The following PCDH15 variants were observed in gnomAD, a reference collection of about 807,000 sequenced individuals.
The protein encoded by PCDH15 is protocadherin-15.
Under a neutral mutation model 178.5 loss-of-function variants are expected in PCDH15, and 129 were observed. The observed-to-expected ratio is 0.72, with a 90% CI of 0.63 to 0.84. The LOEUF (loss-of-function observed/expected upper bound fraction) is 0.84. Ranked by LOEUF, PCDH15 falls within the 40% of genes least tolerant of loss-of-function variation. The probability of loss-of-function intolerance (pLI) is 0.00; values close to 1 mark genes in which losing one functional copy is unlikely to be tolerated. For synonymous variants in PCDH15, 800 were observed against 732.0 expected, an observed-to-expected ratio of 1.09 and a Z score of -1.50; for missense variants, 2,230 against 2,099.9, an observed-to-expected ratio of 1.06 and a Z score of -1.21.
chr10:54,635,146 T>C (rs2093813496), intron 2 of PCDH15, among the ~76,000 whole-genome samples: 1 of 141,678 alleles, frequency 7.1e-6, no homozygotes, highest in Admixed American at 7.2e-5. Context: ...TTTTGAAATG[T>C]ATACAAATAG....
intron 3 of PCDH15, among the ~76,000 whole-genome samples, chr10:54,894,784 G>T (rs946801877): frequency 6.6e-6 from 1 of 152,138 alleles, no homozygotes; most frequent in Non-Finnish European, 1.5e-5. Flanking sequence ...GGCACCTTCT[G>T]CTTCCTTAAT....
At chr10:54,769,522 C>A (rs1480272049) in intron 1 of PCDH15, among the ~76,000 whole-genome samples, 1 of 151,412 alleles carries the variant, frequency 6.6e-6, no homozygotes, top group Non-Finnish European at 1.5e-5. Context: ...TGTGCGTCAC[C>A]AAGATAGACC....
At chr10:55,454,578 T>A (rs1565156193) in intron 2 of PCDH15, among the ~76,000 whole-genome samples, 1 of 148,696 alleles carries the variant, frequency 6.7e-6, no homozygotes, top group Admixed American at 6.7e-5. Context: ...GAGATCGAGA[T>A]CATCCTGGCT....
intron 13 of PCDH15, among the ~76,000 whole-genome samples, chr10:54,172,699 C>A (rs1354329027): frequency 6.6e-6 from 1 of 151,752 alleles, no homozygotes; most frequent in Non-Finnish European, 1.5e-5. Flanking sequence ...ATCTAGTAAA[C>A]CAGCAATATA....
chr10:54,819,050 A>G (rs1952993999), intron 3 of PCDH15, among the ~76,000 whole-genome samples: 1 of 152,014 alleles, frequency 6.6e-6, no homozygotes. Flanking sequence ...TTAGCTTCCC[A>G]AACTGCTGGA....
At chr10:55,374,369 G>T (rs1298469039) in intron 2 of PCDH15, among the ~76,000 whole-genome samples, 1 of 152,066 alleles carries the variant, frequency 6.6e-6, no homozygotes, top group African/African-American at 2.4e-5. Flanking sequence ...AGCTGATCTT[G>T]CTCTGTTTTT....
intron 8 of PCDH15, among the ~76,000 whole-genome samples, chr10:54,255,970 A>AACT (rs1448652574): frequency 6.6e-6 from 1 of 152,156 alleles, no homozygotes; most frequent in East Asian, 1.9e-4. Context: ...AACTCCTTAT[A>AACT]TGAAATAAAC....
chr10:55,607,595 G>A (rs905719901), intron 2 of PCDH15, among the ~76,000 whole-genome samples: 14 of 148,154 alleles, frequency 9.4e-5, no homozygotes, highest in Non-Finnish European at 1.0e-4. Flanking sequence ...CATGTCCTTT[G>A]TAGGGACATG....
intron 2 of PCDH15, among the ~76,000 whole-genome samples, chr10:54,597,594 C>CAAAA (rs906262145): frequency 6.6e-6 from 1 of 151,524 alleles, no homozygotes; most frequent in Non-Finnish European, 1.5e-5. Flanking sequence ...AACAAACAAA[C>CAAAA]AAAAAAACCC....
chr10:53,896,791 T>A (rs192675114), intron 26 of PCDH15, among the ~76,000 whole-genome samples: 28 of 152,236 alleles, frequency 1.8e-4, no homozygotes, highest in Middle Eastern at 3.4e-3. Flanking sequence ...ATGAAAGGGT[T>A]CCAGGTTGCA....
chr10:54,404,398 C>G (rs1952348461), intron 3 of PCDH15, among the ~76,000 whole-genome samples: 1 of 151,946 alleles, frequency 6.6e-6, no homozygotes. Context: ...TTTGACAAAG[C>G]TGACAAAAAC....
At chr10:55,083,108 T>A (rs1842084465) in intron 2 of PCDH15, among the ~76,000 whole-genome samples, 1 of 151,424 alleles carries the variant, frequency 6.6e-6, no homozygotes, top group Non-Finnish European at 1.5e-5. Flanking sequence ...AATAGAAAAC[T>A]ATAGGGTTAT....
intron 3 of PCDH15, among the ~76,000 whole-genome samples, chr10:54,806,992 A>G (rs915899579): frequency 1.3e-5 from 2 of 152,188 alleles, no homozygotes; most frequent in Non-Finnish European, 2.9e-5. Flanking sequence ...CTGATATCCT[A>G]TCACCTTTGC....
chr10:53,881,448 A>C (rs7084623), intron 26 of PCDH15, among the ~76,000 whole-genome samples: 96,821 of 151,974 alleles, frequency 0.64, 32,229 homozygotes, highest in East Asian at 0.88. Flanking sequence ...AATGTATAAA[A>C]ATAAAAAAAG....
intron 2 of PCDH15, among the ~76,000 whole-genome samples, chr10:55,359,720 G>GTGTA (rs1259262723): frequency 4.4e-5 from 5 of 112,942 alleles, no homozygotes; most frequent in Non-Finnish European, 8.6e-5. Context: ...AAAATGTGGT[G>GTGTA]TATATATATA....
At chr10:53,950,590 C>T (rs576837283) in intron 23 of PCDH15, among the ~76,000 whole-genome samples, 14 of 152,248 alleles carry the variant, frequency 9.2e-5, no homozygotes, top group Middle Eastern at 3.4e-3. Flanking sequence ...CTATTCCAGA[C>T]GTGTTGACCT....
intron 2 of PCDH15, among the ~76,000 whole-genome samples, chr10:54,617,860 G>A (rs1235472606): frequency 1.3e-5 from 2 of 150,026 alleles, no homozygotes; most frequent in African/African-American, 4.9e-5. Context: ...GGGAGGCAGA[G>A]ATCGCACTGA....
chr10:53,827,278 GAAT>G (rs1276316490), intron 32 of PCDH15, 112 bp downstream of exon 32: 13 of 1,310,656 alleles, frequency 9.9e-6, no homozygotes, highest in Non-Finnish European at 1.3e-5. Context: ...GAAAATAATA[GAAT>G]AAAATAAATA....
At chr10:55,448,212 G>C (rs1839359121) in intron 2 of PCDH15, among the ~76,000 whole-genome samples, 3 of 151,944 alleles carry the variant, frequency 2.0e-5, no homozygotes, top group Non-Finnish European at 2.9e-5. Context: ...ACCTGGCTAA[G>C]CTAGTTCTAA....
Sources: allele counts gnomAD v4.1 joint callset (sites outside exome capture counted in the v4.1 genomes callset), GRCh38; gene constraint gnomAD v4.1.1; transcripts MANE v1.5; gene names NCBI Gene and HGNC (gene_info 2026-07-23, HGNC 2026-07-21).